Variants in ADAMTS14 observed in about 807,000 individuals in gnomAD.
ADAMTS14 encodes A disintegrin and metalloproteinase with thrombospondin motifs 14.
A neutral mutation model predicts 128.6 loss-of-function variants in ADAMTS14; 100 were observed. That is an observed-to-expected ratio of 0.78 (90% confidence interval 0.66 to 0.92). The LOEUF (loss-of-function observed/expected upper bound fraction) is 0.92, where lower values mean the gene tolerates loss of function less well. Among genes scored for constraint, ADAMTS14 ranks in the 40% least tolerant of loss-of-function variants. The pLI is 0.00. For synonymous variants in ADAMTS14, 665 were observed against 653.8 expected (o/e 1.02, Z -0.26); for missense variants, 1,562 against 1,658.6 (o/e 0.94, Z 1.01).
rs1201527741 is a variant in ADAMTS14 at position 70,758,240 on chromosome 10, G to T, written c.3133G>T (p.Val1045Leu). The T allele has an allele frequency of 2.5e-6, 4 of 1,614,248 alleles. No individual in the cohort carries two copies. Among genetic ancestry groups the T allele is most frequent in the Admixed American group, 3.3e-5 (2 of 60,034 alleles). Residue 1045 changes from valine to leucine, a missense_variant, in exon 21 of 22, where the codon GTG becomes TTG. Coordinates refer to ENST00000373207, the MANE Select transcript of ADAMTS14 (RefSeq NM_080722.4). The part of the protein sequence containing the change: ...WELGTPEGQW[V>L]PQSEPLHPIN... The stretch of plus-strand genomic sequence containing the variant: ...ACTTGGGACGCCAGAGGGGCAGTGG[G>T]TGCCACAATCTGAACCCCTACATCC...
chr10:70,745,116 C>A, intron 14 of ADAMTS14, 110 bp from the exon 15 acceptor site: 1 of 961,054 alleles, frequency 1.0e-6, no homozygotes, highest in Non-Finnish European at 1.6e-6. Context: ...CAGAGAGGTT[C>A]TGTGATCAAA....
At chr10:70,732,431 G>A in intron 7 of ADAMTS14, 72 bp downstream of exon 7, 2 of 1,402,932 alleles carry the variant, frequency 1.4e-6, no homozygotes, top group Non-Finnish European at 2.0e-6. Context: ...GTGGCTGTGG[G>A]AGGATTTGCC....
At chr10:70,689,428 G>A (rs1840118563) in intron 2 of ADAMTS14, among the ~76,000 whole-genome samples, 1 of 145,044 alleles carries the variant, frequency 6.9e-6, no homozygotes, top group Non-Finnish European at 1.6e-5. Flanking sequence ...AAAGGAGGGA[G>A]CAGTGATGGG....
At chr10:70,707,212 C>T (rs544261320) in intron 3 of ADAMTS14, among the ~76,000 whole-genome samples, 4 of 152,278 alleles carry the variant, frequency 2.6e-5, no homozygotes, top group East Asian at 1.9e-4. Flanking sequence ...GGCAGAGGCC[C>T]GGCCTTTATC....
intron 7 of ADAMTS14, among the ~76,000 whole-genome samples, chr10:70,732,958 T>C (rs888807661): frequency 6.6e-6 from 1 of 152,314 alleles, no homozygotes. Context: ...GGAATGAGGC[T>C]ACAGTGGAGA....
At chr10:70,759,621 C>T (rs1380683481) in intron 21 of ADAMTS14, among the ~76,000 whole-genome samples, 2 of 152,206 alleles carry the variant, frequency 1.3e-5, no homozygotes, top group African/African-American at 4.8e-5. Flanking sequence ...AAAGGCCTCA[C>T]ACTTTTAAGT....
chr10:70,746,922 C>T (rs1170032284), intron 15 of ADAMTS14, among the ~76,000 whole-genome samples: 1 of 151,932 alleles, frequency 6.6e-6, no homozygotes, highest in Non-Finnish European at 1.5e-5. Context: ...GACGTGCAGG[C>T]CACAATGTCC....
intron 2 of ADAMTS14, among the ~76,000 whole-genome samples, chr10:70,691,388 A>G (rs1840180898): frequency 7.1e-6 from 1 of 140,420 alleles, no homozygotes; most frequent in South Asian, 2.3e-4. Flanking sequence ...CTACTCGGGA[A>G]ACTGAGGCGG....
At position 70,735,401 on chromosome 10, in the gene ADAMTS14, C is replaced by A. The variant is rs1841795040; in HGVS notation, c.1485+100C>A. On this transcript the variant is annotated intron_variant, in intron 9 of 21. Transcript: ENST00000373207. ...CATGAGGTGCCTTCTGCCCAGCTGG[C>A]CAGTGGGCCTGGTGATGGGCCCACA... 2.7e-6 allele frequency: 4 copies of A among 1,479,376 alleles called. 1 individual carries two copies. In the South Asian group the frequency reaches 5.5e-5, roughly 20 times the overall value. The allele number at this position is 1,479,376 out of a possible 1,614,324, so 91.6% of individuals were successfully genotyped here. A position where few individuals can be genotyped will look rare whatever the true frequency, so the allele number is the denominator to read the frequency against.
In ADAMTS14 at chr10:70,674,519, G is replaced by T. The variant is rs755370176; in HGVS notation, c.83-37G>T. 9 of 1,582,618 alleles carry T rather than the reference G, an allele frequency of 5.7e-6. No homozygotes were observed. In the Admixed American group the frequency reaches 1.2e-4, roughly 21 times the overall value. On this transcript the variant is annotated intron_variant, in intron 1 of 21. Coordinates refer to ENST00000373207, the MANE Select transcript of ADAMTS14 (RefSeq NM_080722.4). ...TCTGACTTCCCCTTACCTCTGAACC[G>T]ACTGCATTGAAGTGACTCTTTGTTT...
intron 20 of ADAMTS14, 41 bp from the exon 21 acceptor site, chr10:70,758,134 C>T: frequency 6.2e-7 from 1 of 1,612,408 alleles, no homozygotes; most frequent in Non-Finnish European, 8.5e-7. Context: ...GTCCCTTGGG[C>T]CAAAGTCCCA....
chr10:70,738,790 G>A, intron 10 of ADAMTS14, 52 bp from the exon 11 acceptor site: 1 of 1,611,050 alleles, frequency 6.2e-7, no homozygotes, highest in South Asian at 1.1e-5. Flanking sequence ...CTCCCCGGGT[G>A]GGCTCAGCAG....
In ADAMTS14 at chr10:70,691,961, G is replaced by C. The variant is rs553289012; in HGVS notation, c.523-10351G>C. ...GATGACCACTTAAATGTCCCTTTTC[G>C]TGCCATTCTAAATGTCCCTCTTCTT... On this transcript the variant is annotated intron_variant, in intron 2 of 21. Transcript: ENST00000373207. Among the ~76,000 whole-genome samples, 10 of 151,972 alleles carry C rather than the reference G, an allele frequency of 6.6e-5. No individual in the cohort carries two copies. In the South Asian group the frequency reaches 2.1e-3, roughly 32 times the overall value.
chr10:70,735,307 T>C lies in ADAMTS14; in HGVS notation c.1485+6T>C. On this transcript the variant is annotated splice_donor_region_variant and intron_variant, in intron 9 of 21. Coordinates refer to ENST00000373207, the MANE Select transcript of ADAMTS14 (RefSeq NM_080722.4). ...GCTACCAGACCTGCTTGGCAGTAAGTAGCCATCTGGCCTCTGCCAGGTGGT... is the reference window on the plus strand; with the variant it reads ...GCTACCAGACCTGCTTGGCAGTAAGCAGCCATCTGGCCTCTGCCAGGTGGT... 1 of 1,613,590 alleles carries C rather than the reference T, an allele frequency of 6.2e-7. No homozygotes were observed. The highest frequency in any genetic ancestry group is 8.5e-7 in the Non-Finnish European group (1 of 1,179,822).
chr10:70,725,691 C>T (rs533015441), intron 4 of ADAMTS14, among the ~76,000 whole-genome samples: 72 of 152,256 alleles, frequency 4.7e-4, no homozygotes, highest in African/African-American at 1.4e-3. Flanking sequence ...TAATACCATT[C>T]CCTTGGGAGT....
intron 14 of ADAMTS14, 126 bp downstream of exon 14, chr10:70,744,315 T>C (rs1842107829): frequency 7.7e-7 from 1 of 1,293,602 alleles, no homozygotes; most frequent in East Asian, 3.1e-5. Flanking sequence ...GGGGCCCATC[T>C]CCAGGCCTTC....
In ADAMTS14 at chr10:70,760,293, G is replaced by T. The variant is rs985668978; in HGVS notation, c.3179-67G>T. On this transcript the variant is annotated intron_variant, in intron 21 of 21. Coordinates refer to ENST00000373207, the MANE Select transcript of ADAMTS14 (RefSeq NM_080722.4). ...CGGGCAGTCAGTGGGTAAGTGGGAGGGGGGGCCACCTGACTGACAGGCATC... is the reference window on the plus strand; with the variant it reads ...CGGGCAGTCAGTGGGTAAGTGGGAGTGGGGGCCACCTGACTGACAGGCATC... 1.5e-5 allele frequency: 22 copies of T among 1,500,090 alleles called. No homozygotes were observed. The African/African-American group carries it at 2.8e-4, about 19-fold the overall frequency. The allele number at this position is 1,500,090 out of a possible 1,614,324, so 92.9% of individuals were successfully genotyped here.
At chr10:70,694,649 C>A (rs1282864589) in intron 2 of ADAMTS14, among the ~76,000 whole-genome samples, 2 of 152,186 alleles carry the variant, frequency 1.3e-5, no homozygotes, top group Non-Finnish European at 2.9e-5. Context: ...TGACCTTTTG[C>A]ATCTGGCTTC....
intron 19 of ADAMTS14, among the ~76,000 whole-genome samples, chr10:70,756,644 A>G (rs1338060021): frequency 6.6e-6 from 1 of 152,238 alleles, no homozygotes; most frequent in Non-Finnish European, 1.5e-5. Flanking sequence ...CATTGGCACT[A>G]GACAAGCTTT....
Sources: allele counts gnomAD v4.1 joint callset (sites outside exome capture counted in the v4.1 genomes callset), GRCh38; gene constraint gnomAD v4.1.1; transcripts MANE v1.5; gene names NCBI Gene and HGNC (gene_info 2026-07-23, HGNC 2026-07-21).